Variants in CPPED1 observed in about 807,000 individuals in gnomAD.
CPPED1 encodes the protein serine/threonine-protein phosphatase CPPED1.
Under a neutral mutation model 28.0 loss-of-function variants are expected in CPPED1, and 28 were observed. The ratio of observed to expected loss-of-function variants is 1.00; its 90% CI spans 0.74 to 1.37. The LOEUF is 1.37. Ranked by LOEUF, CPPED1 falls within the 40% of genes most tolerant of loss-of-function variation. The pLI is 0.00. For synonymous variants in CPPED1, 198 were observed against 180.2 expected (o/e 1.10, Z -0.79); for missense variants, 504 against 416.5 (o/e 1.21, Z -1.83).
intron 3 of CPPED1, among the ~76,000 whole-genome samples, chr16:12,689,545 C>A (rs934395218): frequency 3.3e-5 from 5 of 151,810 alleles, no homozygotes; most frequent in Admixed American, 2.6e-4. Context: ...TTCTTCTTAA[C>A]AAGAAACTGT....
At chr16:12,724,300 C>T (rs1266196543) in intron 2 of CPPED1, among the ~76,000 whole-genome samples, 1 of 152,180 alleles carries the variant, frequency 6.6e-6, no homozygotes, top group East Asian at 1.9e-4. Context: ...CCTCTGTCCT[C>T]TGCTTCAATT....
intron 3 of CPPED1, among the ~76,000 whole-genome samples, chr16:12,684,667 C>A (rs1171220274): frequency 6.6e-6 from 1 of 152,214 alleles, no homozygotes; most frequent in Non-Finnish European, 1.5e-5. Context: ...CTCTCCCTTG[C>A]AAATTCTTTT....
chr16:12,688,959 A>G (rs77670156), intron 3 of CPPED1, among the ~76,000 whole-genome samples: 2,365 of 152,340 alleles, frequency 0.016, 52 homozygotes, highest in African/African-American at 0.053. Context: ...TTCTACAAAT[A>G]TGAAAATGCA....
intron 3 of CPPED1, among the ~76,000 whole-genome samples, chr16:12,669,926 C>T (rs1235149526): frequency 6.6e-6 from 1 of 152,194 alleles, no homozygotes; most frequent in East Asian, 1.9e-4. Flanking sequence ...AATCAAGTGA[C>T]AGGATTCCCA....
At chr16:12,703,796 T>A (rs139681278) in intron 3 of CPPED1, among the ~76,000 whole-genome samples, 2 of 151,792 alleles carry the variant, frequency 1.3e-5, no homozygotes, top group Non-Finnish European at 2.9e-5. Flanking sequence ...ACCCAGGGAA[T>A]CTGCCTAGAA....
In CPPED1 at chr16:12,662,043, C is replaced by T. The variant is rs2079797852; in HGVS notation, c.*2843G>A. ...AAGCCTTGGGCCATCTACATCCGTT[C>T]TTTCTCCACCAAGATGAGTTAGGCG... is the stretch of plus-strand genomic sequence containing the variant. On this transcript the variant is annotated 3_prime_UTR_variant, in exon 4 of 4. Coordinates refer to ENST00000381774, the MANE Select transcript of CPPED1 (RefSeq NM_018340.3). 1 of 152,250 alleles carries T rather than the reference C, an allele frequency of 6.6e-6. No individual in the cohort carries two copies. Among genetic ancestry groups the T allele is most frequent in the African/African-American group, 2.4e-5 (1 of 41,460 alleles). 9.4% of individuals were successfully genotyped at this position (152,250 alleles called of 1,614,324 possible). A position where few individuals can be genotyped will look rare whatever the true frequency, so the allele number is the denominator to read the frequency against.
intron 1 of CPPED1, among the ~76,000 whole-genome samples, chr16:12,783,050 T>A (rs1026626242): frequency 5.3e-5 from 8 of 152,236 alleles, no homozygotes; most frequent in African/African-American, 1.9e-4. Flanking sequence ...CCAGGCCCTG[T>A]GAGAGGTGCT....
chr16:12,791,060 T>TA (rs911962584), intron 1 of CPPED1, among the ~76,000 whole-genome samples: 5 of 150,632 alleles, frequency 3.3e-5, no homozygotes, highest in African/African-American at 1.2e-4. Context: ...TTTTTTTTTT[T>TA]AATTTTACTT....
chr16:12,783,199 G>A (rs566282233), intron 1 of CPPED1, among the ~76,000 whole-genome samples: 19 of 152,234 alleles, frequency 1.2e-4, no homozygotes, highest in Admixed American at 2.6e-4. Flanking sequence ...GTGAGGCAAC[G>A]GCTAGTTTAA....
At chr16:12,671,512 G>C (rs918120138) in intron 3 of CPPED1, among the ~76,000 whole-genome samples, 4 of 152,160 alleles carry the variant, frequency 2.6e-5, no homozygotes, top group Non-Finnish European at 2.9e-5. Flanking sequence ...AGGCTGTAAA[G>C]AGAGCTCTTG....
chr16:12,664,158 A>G lies in CPPED1; in HGVS notation c.*728T>C, dbSNP rs1412506329. The G allele has an allele frequency of 6.4e-6, 1 of 156,382 alleles. No homozygotes were observed. The highest frequency in any genetic ancestry group is 2.4e-5 in the African/African-American group (1 of 41,504). The allele number at this position is 156,382 out of a possible 1,614,324, so 9.7% of individuals were successfully genotyped here. A position where few individuals can be genotyped will look rare whatever the true frequency, so the allele number is the denominator to read the frequency against. On this transcript the variant is annotated 3_prime_UTR_variant, in exon 4 of 4. Transcript: ENST00000381774. This position sits in a 1 kb window ranked among gnomAD's most constrained non-coding sequence, Gnocchi z 4.2. ...AACCAACTCAACGTGCTCCCCAGAG[A>G]CTGAAGAAGCGGCGTTTTAGAGCTT...
intron 1 of CPPED1, among the ~76,000 whole-genome samples, chr16:12,794,337 C>G (rs970202715): frequency 2.0e-5 from 3 of 151,700 alleles, no homozygotes; most frequent in Non-Finnish European, 2.9e-5. Flanking sequence ...ACTGTTGAAT[C>G]AGAAAGAAGC....
intron 1 of CPPED1, among the ~76,000 whole-genome samples, chr16:12,784,272 G>C (rs1567305907): frequency 6.6e-6 from 1 of 152,122 alleles, no homozygotes; most frequent in Non-Finnish European, 1.5e-5. Context: ...AACCATGTGA[G>C]TCAGCTTGGA....
At chr16:12,731,654 G>A (rs1053573920) in intron 2 of CPPED1, among the ~76,000 whole-genome samples, 1 of 151,574 alleles carries the variant, frequency 6.6e-6, no homozygotes, top group Admixed American at 6.6e-5. Context: ...ACGCGATGGT[G>A]AAGGCCGTGG....
At chr16:12,746,405 C>T (rs902009526) in intron 2 of CPPED1, among the ~76,000 whole-genome samples, 1 of 151,088 alleles carries the variant, frequency 6.6e-6, no homozygotes, top group African/African-American at 2.4e-5. Flanking sequence ...ATTCGATGTC[C>T]AGTGAGACAA....
chr16:12,795,326 A>G (rs1275741770), intron 1 of CPPED1, among the ~76,000 whole-genome samples: 5 of 151,804 alleles, frequency 3.3e-5, no homozygotes, highest in Non-Finnish European at 5.9e-5. Flanking sequence ...CACAGTGCAC[A>G]GCCACCTGGT....
chr16:12,720,150 G>C (rs1404696275), intron 2 of CPPED1, among the ~76,000 whole-genome samples: 2 of 152,132 alleles, frequency 1.3e-5, no homozygotes, highest in Non-Finnish European at 2.9e-5. Flanking sequence ...GTCTTCCCGA[G>C]AGAGATACGC....
At chr16:12,704,577 T>G (rs760275214) in intron 3 of CPPED1, 47 bp downstream of exon 3, 21 of 1,557,058 alleles carry the variant, frequency 1.3e-5, no homozygotes, top group Non-Finnish European at 1.7e-5. Flanking sequence ...AAATGCCCTC[T>G]CTAGACTTGT....
chr16:12,683,095 G>C (rs1011077871), intron 3 of CPPED1, among the ~76,000 whole-genome samples: 1 of 152,220 alleles, frequency 6.6e-6, no homozygotes, highest in Non-Finnish European at 1.5e-5. Context: ...TTGCTAGGGA[G>C]AAAGTGCCCT....
Sources: gnomAD v4.1 joint callset for allele counts (sites outside exome capture counted in the v4.1 genomes callset) on GRCh38, gnomAD v4.1.1 for gene constraint, Gnocchi (gnomAD v3.1) non-coding constraint, MANE v1.5 for transcripts, NCBI Gene and HGNC (gene_info 2026-07-23, HGNC 2026-07-21) for gene names.